The following LYPD5 variants were observed in gnomAD, a reference collection of about 807,000 sequenced individuals.
LYPD5 encodes LY6/PLAUR domain containing 5.
A neutral mutation model predicts 19.1 loss-of-function variants in LYPD5; 21 were observed. The ratio of observed to expected loss-of-function variants is 1.10; its 90% confidence interval spans 0.78 to 1.58. LYPD5 has a LOEUF of 1.58. Among genes scored for constraint, LYPD5 ranks in the 40% most tolerant of loss-of-function variants. The probability of loss-of-function intolerance (pLI) is 0.00; values close to 1 mark genes in which losing one functional copy is unlikely to be tolerated. For synonymous variants in LYPD5, 128 were observed against 142.7 expected (o/e 0.90, Z 0.74); for missense variants, 287 against 329.8 (o/e 0.87, Z 1.00).
At chr19:43,816,783 G>A (rs775445710) in intron 1 of LYPD5, among the ~76,000 whole-genome samples, 1 of 152,234 alleles carries the variant, frequency 6.6e-6, no homozygotes, top group Non-Finnish European at 1.5e-5. Context: ...AACCCGGTGA[G>A]AGATAACTGA....
intron 1 of LYPD5, among the ~76,000 whole-genome samples, chr19:43,810,545 C>T (rs1438528396): frequency 8.8e-6 from 1 of 113,590 alleles, no homozygotes; most frequent in Non-Finnish European, 1.9e-5. Flanking sequence ...CCTCCCCTCC[C>T]CTCCCCTCCC....
chr19:43,812,706 C>T (rs1232197231), intron 1 of LYPD5, among the ~76,000 whole-genome samples: 2 of 152,168 alleles, frequency 1.3e-5, no homozygotes, highest in East Asian at 3.8e-4. Context: ...TTCATTTTTA[C>T]CCACAAGGAA....
At chr19:43,804,382 G>GGC (rs1970253900), upstream of LYPD5, among the ~76,000 whole-genome samples, 2 of 93,318 alleles carry the variant, frequency 2.1e-5, no homozygotes, top group East Asian at 6.4e-4. Context: ...CCATGTGATG[G>GGC]ACACATCCCA....
Position 43,797,744 on chromosome 19 carries a change from G to A in LYPD5, c.603C>T (p.Ile201=), listed in dbSNP as rs139902718. 3.3e-5 allele frequency: 53 copies of A among 1,613,810 alleles called. No homozygotes were observed. Among genetic ancestry groups the A allele is most frequent in the East Asian group, 1.3e-4 (6 of 44,872 alleles). ...TEGTTSPWTA[I]DLQGSCCEGY... ...CCTCACAGCAGGAGCCCTGGAGGTC[G>A]ATGGCTGTCCAGGGGCTGGTGGTGC... The change falls in exon 5 of 5, where the codon ATC becomes ATT. Residue 201 remains isoleucine (I), a synonymous_variant. Transcript: ENST00000377950.
At chr19:43,808,810 T>G (rs1310441593) in intron 1 of LYPD5, among the ~76,000 whole-genome samples, 2 of 152,208 alleles carry the variant, frequency 1.3e-5, no homozygotes, top group Non-Finnish European at 2.9e-5. Flanking sequence ...TTGATAGACA[T>G]CGAATAAGGT....
intron 1 of LYPD5, among the ~76,000 whole-genome samples, chr19:43,813,488 G>A (rs565477275): frequency 5.9e-5 from 9 of 152,068 alleles, no homozygotes; most frequent in Admixed American, 3.3e-4. Flanking sequence ...CCTAGACTCC[G>A]GCATTCCCTT....
At chr19:43,804,717 CCA>C (rs1392510652), upstream of LYPD5, among the ~76,000 whole-genome samples, 2 of 152,158 alleles carry the variant, frequency 1.3e-5, no homozygotes, top group African/African-American at 2.4e-5. Context: ...TCCTGATTCT[CCA>C]GTTTCTGCCC....
chr19:43,799,667 C>T (rs1156278533), intron 2 of LYPD5, 39 bp downstream of exon 2: 7 of 1,582,200 alleles, frequency 4.4e-6, no homozygotes, highest in Admixed American at 1.9e-5. Context: ...TTTTTCCTCC[C>T]TAATCTCTCA....
At chr19:43,798,109 A>G (rs1210678405) in intron 4 of LYPD5, among the ~76,000 whole-genome samples, 2 of 122,132 alleles carry the variant, frequency 1.6e-5, no homozygotes, top group African/African-American at 3.2e-5. Flanking sequence ...AGACCAGGGC[A>G]TGGCCTCCTT....
upstream of LYPD5, among the ~76,000 whole-genome samples, chr19:43,805,564 G>C (rs1367549356): frequency 2.0e-5 from 3 of 152,194 alleles, no homozygotes; most frequent in Non-Finnish European, 4.4e-5. Flanking sequence ...CTGGAGTGCA[G>C]TGGCGCCATC....
At position 43,798,559 on chromosome 19, in the gene LYPD5, C is replaced by T; in HGVS notation, c.413G>A (p.Cys138Tyr). 6.2e-7 allele frequency: 1 copy of T among 1,611,656 alleles called. No individual in the cohort carries two copies. Among genetic ancestry groups the T allele is most frequent in the Non-Finnish European group, 8.5e-7 (1 of 1,180,046 alleles). ...GCAGTCATCCTGGTGGACCCCGATA[C>T]AGGCGTAGCACTCGGCGCCGCTGAG... ...PTLSGAECYA[C>Y]IGVHQDDCAI... The change falls in exon 4 of 5, where the codon TGT becomes TAT. Residue 138 changes from cysteine to tyrosine, a missense_variant. Transcript: ENST00000377950.
In LYPD5 at chr19:43,797,723, A is replaced by T. The variant is rs1252542514; in HGVS notation, c.624T>A (p.Cys208Ter). The change falls in exon 5 of 5, where the codon TGT (cysteine) becomes TGA (stop). Residue 208 changes from cysteine to a stop codon, truncating the protein, a stop_gained. Coordinates refer to ENST00000377950, the MANE Select transcript of LYPD5 (RefSeq NM_001031749.3). LOFTEE classifies it low-confidence loss of function (END_TRUNC). ...WTAIDLQGSC[C>*]EGYLCNRKSM... Reference sequence around the variant, plus strand: ...ATTTCCTGTTGCAGAGGTACCCCTCACAGCAGGAGCCCTGGAGGTCGATGG... The same window carrying T: ...ATTTCCTGTTGCAGAGGTACCCCTCTCAGCAGGAGCCCTGGAGGTCGATGG... 3 of 1,613,786 alleles carry T rather than the reference A, an allele frequency of 1.9e-6. No homozygotes were observed. The Admixed American group carries it at 5.0e-5, about 27-fold the overall frequency.
intron 1 of LYPD5, among the ~76,000 whole-genome samples, chr19:43,816,548 T>A (rs1394361743): frequency 1.3e-5 from 2 of 152,242 alleles, no homozygotes; most frequent in African/African-American, 4.8e-5. Context: ...AATACATTTG[T>A]CAGATCATTA....
upstream of LYPD5, among the ~76,000 whole-genome samples, chr19:43,805,569 GC>G (rs1312857946): frequency 6.6e-6 from 1 of 152,106 alleles, no homozygotes; most frequent in African/African-American, 2.4e-5. Flanking sequence ...GTGCAGTGGC[GC>G]CATCTTGGCT....
intron 1 of LYPD5, among the ~76,000 whole-genome samples, chr19:43,811,222 C>A (rs1012202039): frequency 1.3e-5 from 2 of 151,976 alleles, no homozygotes; most frequent in Non-Finnish European, 2.9e-5. Flanking sequence ...TGCCTGTAAT[C>A]CCAGCATTTG....
chr19:43,798,706 G>C, intron 3 of LYPD5, 105 bp from the exon 4 acceptor site: 1 of 1,575,560 alleles, frequency 6.3e-7, no homozygotes, highest in South Asian at 1.2e-5. Flanking sequence ...CGGGGGTTGG[G>C]ATCCTAGCGC....
chr19:43,814,322 T>C (rs1378536665), intron 1 of LYPD5, among the ~76,000 whole-genome samples: 1 of 152,058 alleles, frequency 6.6e-6, no homozygotes, highest in Non-Finnish European at 1.5e-5. Flanking sequence ...GGAGACCCCA[T>C]CTCTACAAAA....
upstream of LYPD5, among the ~76,000 whole-genome samples, chr19:43,804,375 T>C (rs1453738599): frequency 2.1e-5 from 2 of 93,616 alleles, no homozygotes; most frequent in Admixed American, 1.4e-4. Context: ...AATAACTCCA[T>C]GTGATGGACA....
In LYPD5 at chr19:43,797,253, G is replaced by A. The variant is rs1300660870; in HGVS notation, c.*338C>T. 3.5e-6 allele frequency: 1 copy of A among 285,600 alleles called. No homozygotes were observed. Among genetic ancestry groups the A allele is most frequent in the East Asian group, 7.1e-5 (1 of 14,142 alleles). 17.7% of individuals were successfully genotyped at this position (285,600 alleles called of 1,614,324 possible). A position where few individuals can be genotyped will look rare whatever the true frequency, so the allele number is the denominator to read the frequency against. ...GACATCATTGTATAGCTCCCTCCTAGAGCTGCGACAGGCTCTGGAGGGAGA... is the reference window on the plus strand; with the variant it reads ...GACATCATTGTATAGCTCCCTCCTAAAGCTGCGACAGGCTCTGGAGGGAGA... On this transcript the variant is annotated 3_prime_UTR_variant, in exon 5 of 5. Coordinates refer to ENST00000377950, the MANE Select transcript of LYPD5 (RefSeq NM_001031749.3).
Sources: gnomAD v4.1 joint callset for allele counts (sites outside exome capture counted in the v4.1 genomes callset) on GRCh38, gnomAD v4.1.1 for gene constraint, MANE v1.5 for transcripts, NCBI Gene and HGNC (gene_info 2026-07-23, HGNC 2026-07-21) for gene names.